Variants in GABBR2 observed in about 807,000 individuals in gnomAD.
GABBR2 encodes the protein gamma-aminobutyric acid type B receptor subunit 2.
GABBR2 carries 23 observed loss-of-function variants against 105.6 expected under a neutral mutation model. The observed-to-expected ratio is 0.22, with a 90% CI of 0.16 to 0.31. The LOEUF is 0.31. Ranked by LOEUF, GABBR2 falls within the 10% of genes least tolerant of loss-of-function variation. GABBR2 has a pLI of 1.00. For synonymous variants in GABBR2, 478 were observed against 499.7 expected, an observed-to-expected ratio of 0.96 and a Z score of 0.58; for missense variants, 734 against 1,245.5, an observed-to-expected ratio of 0.59 and a Z score of 6.18.
At chr9:98,380,973 G>C (rs114551061) in intron 11 of GABBR2, among the ~76,000 whole-genome samples, 78 of 152,372 alleles carry the variant, frequency 5.1e-4, no homozygotes, top group African/African-American at 1.7e-3. Context: ...AGACAGAACT[G>C]TGACTTCGGC....
chr9:98,467,054 C>A (rs1174549739), intron 6 of GABBR2, among the ~76,000 whole-genome samples: 3 of 152,208 alleles, frequency 2.0e-5, no homozygotes, highest in Non-Finnish European at 4.4e-5. Flanking sequence ...TTTAATAGAG[C>A]CTTTCTAGAA....
At chr9:98,450,964 G>T (rs1035223234) in intron 7 of GABBR2, among the ~76,000 whole-genome samples, 2 of 152,168 alleles carry the variant, frequency 1.3e-5, no homozygotes, top group African/African-American at 4.8e-5. Context: ...GTGGCAAAAT[G>T]CTTTCTAGAT....
At chr9:98,705,021 A>G (rs1830876284) in intron 1 of GABBR2, among the ~76,000 whole-genome samples, 1 of 152,080 alleles carries the variant, frequency 6.6e-6, no homozygotes, top group Admixed American at 6.5e-5. Flanking sequence ...TGGTACATTT[A>G]CCTTTTTACC....
intron 1 of GABBR2, among the ~76,000 whole-genome samples, chr9:98,670,048 G>T (rs1452491755): frequency 6.6e-6 from 1 of 152,176 alleles, no homozygotes; most frequent in Non-Finnish European, 1.5e-5. Flanking sequence ...GCTGAGATGG[G>T]ACTAGGGGAG....
In GABBR2 at chr9:98,305,490, T is replaced by C. The variant is rs544870340; in HGVS notation, c.2229+631A>G. ...ACAAAACATTAAGCAAAGAACAAAATGTGTGCTATAGTTATGGCCATATCT... is the reference window on the plus strand; with the variant it reads ...ACAAAACATTAAGCAAAGAACAAAACGTGTGCTATAGTTATGGCCATATCT... On this transcript the variant is annotated intron_variant, in intron 15 of 18. Coordinates refer to ENST00000259455, the MANE Select transcript of GABBR2 (RefSeq NM_005458.8). Among the ~76,000 whole-genome samples the C allele has an allele frequency of 2.3e-3, 353 of 152,232 alleles. 3 individuals carry two copies. Among genetic ancestry groups the C allele is most frequent in the African/African-American group, 8.0e-3 (332 of 41,552 alleles).
intron 18 of GABBR2, among the ~76,000 whole-genome samples, chr9:98,292,676 T>C (rs1218231014): frequency 6.6e-6 from 1 of 152,192 alleles, no homozygotes; most frequent in Non-Finnish European, 1.5e-5. Flanking sequence ...AAGGGAAGAA[T>C]AAACTGTGAC....
At chr9:98,465,318 A>G (rs577384326) in intron 6 of GABBR2, among the ~76,000 whole-genome samples, 1 of 152,252 alleles carries the variant, frequency 6.6e-6, no homozygotes, top group Admixed American at 6.5e-5. Context: ...TGGGTCAATT[A>G]GATATCCATG....
intron 13 of GABBR2, among the ~76,000 whole-genome samples, chr9:98,329,055 C>T (rs1166238136): frequency 6.6e-6 from 1 of 152,182 alleles, no homozygotes; most frequent in African/African-American, 2.4e-5. Context: ...GTATAAAGCC[C>T]CTAGACCAGC....
At chr9:98,538,473 T>C in intron 3 of GABBR2, 1 of 245,426 alleles carries the variant, frequency 4.1e-6, no homozygotes, top group Non-Finnish European at 6.5e-6. Context: ...CAGCCATGCT[T>C]GGCCAAAGTG....
intron 7 of GABBR2, among the ~76,000 whole-genome samples, chr9:98,423,331 G>C (rs902371729): frequency 6.6e-6 from 1 of 152,152 alleles, no homozygotes; most frequent in Non-Finnish European, 1.5e-5. Context: ...ATCTCATTGT[G>C]GTTTTGATTT....
At chr9:98,655,098 G>T (rs566169418) in intron 1 of GABBR2, among the ~76,000 whole-genome samples, 1 of 152,144 alleles carries the variant, frequency 6.6e-6, no homozygotes. Context: ...AAATAGGGGA[G>T]CACAGGGGAC....
chr9:98,627,248 G>C (rs752549298), intron 1 of GABBR2, among the ~76,000 whole-genome samples: 1 of 152,132 alleles, frequency 6.6e-6, no homozygotes. Context: ...GAGACCGGAG[G>C]CCAAGCAGAT....
intron 15 of GABBR2, among the ~76,000 whole-genome samples, chr9:98,303,995 A>T (rs894391661): frequency 5.3e-5 from 8 of 152,254 alleles, no homozygotes; most frequent in Non-Finnish European, 8.8e-5. Context: ...GAAAACAAAA[A>T]GTTGCCACTT....
chr9:98,357,658 GACAA>G (rs754651525), intron 13 of GABBR2, among the ~76,000 whole-genome samples: 54 of 136,684 alleles, frequency 4.0e-4, no homozygotes, highest in Admixed American at 1.2e-3. Context: ...AAACAAAACA[GACAA>G]ACAAACAAAA....
At chr9:98,695,356 T>C (rs2131881757) in intron 1 of GABBR2, among the ~76,000 whole-genome samples, 1 of 152,236 alleles carries the variant, frequency 6.6e-6, no homozygotes, top group South Asian at 2.1e-4. Flanking sequence ...CCAGTAGTGA[T>C]TATAAAGCAG....
chr9:98,528,908 G>T lies in GABBR2; in HGVS notation c.630+12965C>A, dbSNP rs185837402. Among the ~76,000 whole-genome samples the T allele has an allele frequency of 3.3e-3, 498 of 152,168 alleles. 2 individuals carry two copies. Among genetic ancestry groups the T allele is most frequent in the Non-Finnish European group, 4.3e-3 (291 of 68,006 alleles). On this transcript the variant is annotated intron_variant, in intron 3 of 18. Transcript: ENST00000259455. ...AAAAATGTGCATATGCTATTTCTAG[G>T]AATTAACTTCAGAAAATAATCAGAG...
intron 3 of GABBR2, among the ~76,000 whole-genome samples, chr9:98,503,310 A>G (rs531635398): frequency 6.6e-6 from 1 of 152,204 alleles, no homozygotes; most frequent in Non-Finnish European, 1.5e-5. Context: ...TGTCGGAATG[A>G]ACTGAGAAAG....
At position 98,432,189 on chromosome 9, in the gene GABBR2, C is replaced by T. The variant is rs756433032; in HGVS notation, c.1236+21792G>A. 2.0e-5 allele frequency among the ~76,000 whole-genome samples: 3 copies of T among 152,154 alleles called. No homozygotes were observed. In the East Asian group the frequency reaches 5.8e-4, roughly 29 times the overall value. ...AGGATTATAGGCGTGAGTCACTGCA[C>T]CCGGCTCAAGGAAGGTTTTTAATAA... is the stretch of plus-strand genomic sequence containing the variant. On this transcript the variant is annotated intron_variant, in intron 7 of 18. Transcript: ENST00000259455.
At chr9:98,378,643 G>A (rs968202566) in intron 11 of GABBR2, among the ~76,000 whole-genome samples, 4 of 152,180 alleles carry the variant, frequency 2.6e-5, no homozygotes, top group African/African-American at 7.2e-5. Context: ...TAGACCCGCT[G>A]CATTCCATCC....
Sources: gnomAD v4.1 joint callset for allele counts (sites outside exome capture counted in the v4.1 genomes callset) on GRCh38, gnomAD v4.1.1 for gene constraint, MANE v1.5 for transcripts, NCBI Gene and HGNC (gene_info 2026-07-23, HGNC 2026-07-21) for gene names.